The following OLFM3 variants were observed in gnomAD, a reference collection of about 807,000 sequenced individuals.
OLFM3 encodes noelin-3.
A neutral mutation model predicts 48.6 loss-of-function variants in OLFM3; 20 were observed. The ratio of observed to expected loss-of-function variants is 0.41; its 90% CI spans 0.29 to 0.60. OLFM3 has a LOEUF of 0.60. Among genes scored for constraint, OLFM3 ranks in the 20% least tolerant of loss-of-function variants. The pLI is 0.28. For synonymous variants in OLFM3, 222 were observed against 198.1 expected, an observed-to-expected ratio of 1.12 and a Z score of -1.01; for missense variants, 437 against 544.3, an observed-to-expected ratio of 0.80 and a Z score of 1.96.
chr1:101,931,041 T>C (rs979416542), intron 1 of OLFM3, among the ~76,000 whole-genome samples: 4 of 152,224 alleles, frequency 2.6e-5, no homozygotes, highest in Non-Finnish European at 5.9e-5. Context: ...CATATAACTG[T>C]TATGCAAAGC....
intron 1 of OLFM3, among the ~76,000 whole-genome samples, chr1:101,983,932 G>A (rs1661166388): frequency 1.3e-5 from 2 of 152,104 alleles, no homozygotes; most frequent in Non-Finnish European, 2.9e-5. Context: ...GATGGAGAAG[G>A]AAAAAATTGA....
At chr1:101,939,935 T>G (rs565196229) in intron 1 of OLFM3, among the ~76,000 whole-genome samples, 1 of 152,312 alleles carries the variant, frequency 6.6e-6, no homozygotes, top group South Asian at 2.1e-4. Flanking sequence ...TATTTTCATC[T>G]AGTTCATAAA....
chr1:101,816,368 C>T (rs958181834), intron 4 of OLFM3, among the ~76,000 whole-genome samples: 3 of 152,132 alleles, frequency 2.0e-5, no homozygotes, highest in Admixed American at 6.6e-5. Flanking sequence ...GGGAGCAATA[C>T]GCTGATGTTG....
At chr1:101,986,590 C>A (rs1385103749) in intron 1 of OLFM3, among the ~76,000 whole-genome samples, 1 of 152,092 alleles carries the variant, frequency 6.6e-6, no homozygotes, top group Non-Finnish European at 1.5e-5. Context: ...TAGGTTGAGT[C>A]GCTTGAGAGG....
chr1:101,966,615 T>C (rs746149236), intron 1 of OLFM3, among the ~76,000 whole-genome samples: 1 of 152,188 alleles, frequency 6.6e-6, no homozygotes, highest in Non-Finnish European at 1.5e-5. Flanking sequence ...TTTCATGTTA[T>C]GTGCTGATCT....
intron 1 of OLFM3, among the ~76,000 whole-genome samples, chr1:101,941,616 C>T (rs116804548): frequency 0.015 from 2,354 of 152,182 alleles, 24 homozygotes; most frequent in African/African-American, 0.021. Flanking sequence ...AATCTAGAGA[C>T]ATCACAAAAT....
intron 1 of OLFM3, among the ~76,000 whole-genome samples, chr1:101,898,415 T>C (rs1279981643): frequency 2.6e-5 from 4 of 152,270 alleles, no homozygotes; most frequent in South Asian, 4.1e-4. Flanking sequence ...TATCAAAACT[T>C]TGAAATTATA....
intron 1 of OLFM3, among the ~76,000 whole-genome samples, chr1:101,965,036 T>C (rs568684224): frequency 6.6e-6 from 1 of 152,284 alleles, no homozygotes; most frequent in South Asian, 2.1e-4. Flanking sequence ...CATTCAAACC[T>C]CTTTAAACTG....
intron 4 of OLFM3, 36 bp downstream of exon 4, chr1:101,824,990 A>C: frequency 1.3e-6 from 2 of 1,564,792 alleles, no homozygotes; most frequent in Non-Finnish European, 1.8e-6. Flanking sequence ...AACTATATAA[A>C]AACGTAACTT....
At chr1:101,831,817 A>G (rs367899720) in intron 2 of OLFM3, among the ~76,000 whole-genome samples, 5 of 152,232 alleles carry the variant, frequency 3.3e-5, no homozygotes, top group African/African-American at 1.2e-4. Flanking sequence ...AAAGTTTGAG[A>G]AGTACTGCTC....
In OLFM3 at chr1:101,806,139, C is replaced by T. The variant is rs1480673587; in HGVS notation, c.636G>A (p.Lys212=). 1.2e-6 allele frequency: 2 copies of T among 1,612,106 alleles called. No homozygotes were observed. Among genetic ancestry groups the T allele is most frequent in the Admixed American group, 3.3e-5 (2 of 59,836 alleles). Residue 212 remains lysine, a synonymous_variant, in exon 5 of 6, where the codon AAG becomes AAA. Transcript: ENST00000370103. ...AAGCACCAAATCGGGTTCCAGATGT[C>T]TTGACTGTAACTGGGCCTGTGATTT... ...LMKITGPVTV[K]TSGTRFGAWM... is the part of the protein sequence containing the mutation.
intron 1 of OLFM3, among the ~76,000 whole-genome samples, chr1:101,950,599 C>T (rs1178185854): frequency 6.6e-6 from 1 of 151,996 alleles, no homozygotes; most frequent in African/African-American, 2.4e-5. Context: ...CCACCACTCC[C>T]GGCTAATTTT....
At chr1:101,859,235 A>C (rs1308669298) in intron 1 of OLFM3, among the ~76,000 whole-genome samples, 1 of 152,080 alleles carries the variant, frequency 6.6e-6, no homozygotes, top group Non-Finnish European at 1.5e-5. Flanking sequence ...GTCTTTATGG[A>C]GTTTCAGGAA....
chr1:101,829,857 C>T (rs562560274), intron 3 of OLFM3, among the ~76,000 whole-genome samples: 9 of 147,984 alleles, frequency 6.1e-5, no homozygotes, highest in South Asian at 2.1e-4. Context: ...TTTTTTGAGA[C>T]GGAGTCTCTC....
intron 3 of OLFM3, among the ~76,000 whole-genome samples, chr1:101,826,581 T>C (rs1419710501): frequency 6.6e-6 from 1 of 152,186 alleles, no homozygotes; most frequent in African/African-American, 2.4e-5. Context: ...GAGTTTCTTG[T>C]GGGGAAATTT....
intron 1 of OLFM3, among the ~76,000 whole-genome samples, chr1:101,973,059 T>G (rs180781982): frequency 6.6e-6 from 1 of 152,158 alleles, no homozygotes. Flanking sequence ...AATAAAAATA[T>G]AGTGCTATGG....
intron 1 of OLFM3, among the ~76,000 whole-genome samples, chr1:101,988,548 T>G (rs1426567928): frequency 6.6e-6 from 1 of 152,132 alleles, no homozygotes; most frequent in Non-Finnish European, 1.5e-5. Context: ...GTATCTTGTC[T>G]GATGGAAAAA....
rs181942619 is a variant in OLFM3 at position 101,880,653 on chromosome 1, A to G, written c.70-43628T>C. Among the ~76,000 whole-genome samples the G allele has an allele frequency of 1.4e-3, 212 of 151,904 alleles. 1 individual carries two copies. In the East Asian group the frequency reaches 0.037, roughly 27 times the overall value. On this transcript the variant is annotated intron_variant, in intron 1 of 5. Transcript: ENST00000370103. ...GACTTGCCCCTAGAGGTAGTTGTTA[A>G]TAATTTTGAAATATTAAGGTCTTGC...
At chr1:101,929,357 C>T (rs989763402) in intron 1 of OLFM3, among the ~76,000 whole-genome samples, 13 of 152,086 alleles carry the variant, frequency 8.5e-5, no homozygotes, top group Non-Finnish European at 1.5e-5. Context: ...ACTAAGCTTT[C>T]TTGGATCTTG....
Sources: gnomAD v4.1 joint callset for allele counts (sites outside exome capture counted in the v4.1 genomes callset) on GRCh38, gnomAD v4.1.1 for gene constraint, MANE v1.5 for transcripts, NCBI Gene and HGNC (gene_info 2026-07-23, HGNC 2026-07-21) for gene names.